TMEM94: variants seen among roughly 807,000 people sequenced by gnomAD.
The protein encoded by TMEM94 is transmembrane protein 94, also known as ER Mg2+ ATPase.
In TMEM94, 81 loss-of-function variants were observed where a neutral mutation model predicts 158.6. That is an observed-to-expected ratio of 0.51 (90% confidence interval 0.43 to 0.61). The LOEUF (loss-of-function observed/expected upper bound fraction) is 0.61. Among genes scored for constraint, TMEM94 ranks in the 20% least tolerant of loss-of-function variants. The probability of loss-of-function intolerance (pLI) is 0.00; values close to 1 mark genes in which losing one functional copy is unlikely to be tolerated. For synonymous variants in TMEM94, 751 were observed against 730.7 expected (o/e 1.03, Z -0.45); for missense variants, 1,435 against 1,762.0 (o/e 0.81, Z 3.32).
At chr17:75,476,459 C>T in intron 2 of TMEM94, 1 of 1,372,328 alleles carries the variant, frequency 7.3e-7, no homozygotes, top group East Asian at 2.7e-5. Flanking sequence ...GCTGCCTCCT[C>T]CTCCCTCCCT....
chr17:75,470,635 G>T (rs925457098), intron 1 of TMEM94, among the ~76,000 whole-genome samples: 9 of 152,014 alleles, frequency 5.9e-5, no homozygotes, highest in Non-Finnish European at 1.3e-4. Flanking sequence ...AACCCGGGAG[G>T]TGGAGCTTGC....
chr17:75,498,007 C>A lies in TMEM94; in HGVS notation c.3489+145C>A. 2 of 1,172,484 alleles carry A rather than the reference C, an allele frequency of 1.7e-6. No homozygotes were observed. The highest frequency in any genetic ancestry group is 2.4e-6 in the Non-Finnish European group (2 of 819,670). The allele number at this position is 1,172,484 out of a possible 1,614,324, so 72.6% of individuals were successfully genotyped here. A position where few individuals can be genotyped will look rare whatever the true frequency, so the allele number is the denominator to read the frequency against. On this transcript the variant is annotated intron_variant, in intron 27 of 31. Coordinates refer to ENST00000314256, the MANE Select transcript of TMEM94 (RefSeq NM_014738.6). The surrounding 1 kb of genome is among the most constrained non-coding windows in gnomAD (Gnocchi z 6.7). ...CTTGGTTCCTAGTCTTCCCCCAGATCAAAGAGGAGGTAGTGGCACAGAGCT... is the reference window on the plus strand; with the variant it reads ...CTTGGTTCCTAGTCTTCCCCCAGATAAAAGAGGAGGTAGTGGCACAGAGCT...
intron 1 of TMEM94, among the ~76,000 whole-genome samples, chr17:75,464,683 C>T (rs1567907069): frequency 1.5e-5 from 1 of 68,416 alleles, no homozygotes; most frequent in African/African-American, 3.6e-5. Flanking sequence ...TTCCTTCTTT[C>T]TTTCTTTCTT....
chr17:75,493,578 T>C lies in TMEM94; in HGVS notation c.2174T>C (p.Leu725Pro). ...TGGGACGGAGCTGACATCTACCCTCTCTCGGGATCTGACAGGTGGGTGAGG... is the reference window on the plus strand; with the variant it reads ...TGGGACGGAGCTGACATCTACCCTCCCTCGGGATCTGACAGGTGGGTGAGG... ...DFWDGADIYPLSGSDRKKVLD... is the reference protein window; with the variant it reads ...DFWDGADIYPPSGSDRKKVLD... Residue 725 changes from leucine to proline, a missense_variant, in exon 17 of 32, where the codon CTC (leucine) becomes CCC (proline). Physicochemically the swap from Leu to Pro is moderately conservative, Grantham distance 98. Around this residue, in one of 3 missense-constraint regions of TMEM94, gnomAD observed 1,051 missense variants for 1,254.4 expected, o/e 0.84. Coordinates refer to ENST00000314256, the MANE Select transcript of TMEM94 (RefSeq NM_014738.6). 3 of 1,613,902 alleles carry C rather than the reference T, an allele frequency of 1.9e-6. No homozygotes were observed. Among genetic ancestry groups the C allele is most frequent in the Non-Finnish European group, 2.5e-6 (3 of 1,179,982 alleles).
rs1246104541 is a variant in TMEM94, at chr17:75,499,531, C to A, written c.*197C>A. The stretch of plus-strand genomic sequence containing the variant: ...ACTGTGGAGGAGCTGACGGCCTGGG[C>A]CCTTGGCCAGTCCTGGCTCTTCCCT... On this transcript the variant is annotated 3_prime_UTR_variant, in exon 32 of 32. Transcript: ENST00000314256. 1 of 608,596 alleles carries A rather than the reference C, an allele frequency of 1.6e-6. No homozygotes were observed. Among genetic ancestry groups the A allele is most frequent in the African/African-American group, 1.9e-5 (1 of 53,906 alleles). 37.7% of individuals were successfully genotyped at this position (608,596 alleles called of 1,614,324 possible).
At chr17:75,496,145 T>C in intron 23 of TMEM94, 71 bp downstream of exon 23, 3 of 1,510,434 alleles carry the variant, frequency 2.0e-6, no homozygotes, top group Non-Finnish European at 2.7e-6. Flanking sequence ...TGGGCCTGCG[T>C]GGGGCTGGGG....
At chr17:75,468,314 G>A (rs890605775) in intron 1 of TMEM94, among the ~76,000 whole-genome samples, 3 of 152,240 alleles carry the variant, frequency 2.0e-5, no homozygotes, top group African/African-American at 2.4e-5. Context: ...TGCCCTCTCT[G>A]TACTGCTGTG....
intron 1 of TMEM94, among the ~76,000 whole-genome samples, chr17:75,463,160 ATGTG>A (rs66559909): frequency 2.8e-4 from 5 of 18,074 alleles, no homozygotes; most frequent in African/African-American, 1.9e-3. Flanking sequence ...ACGTATATAT[ATGTG>A]TGTGTGTGTG....
chr17:75,485,799 G>A lies in TMEM94; in HGVS notation c.145-72G>A. On this transcript the variant is annotated intron_variant, in intron 3 of 31. Transcript: ENST00000314256. The surrounding 1 kb of genome is among the most constrained non-coding windows in gnomAD (Gnocchi z 5.5). The stretch of plus-strand genomic sequence containing the variant: ...CAAGGCGGCCATGGGGGCTGGGAAG[G>A]GTGCCGGGGGAGGCAGCCAGATTGG... 1 of 1,514,358 alleles carries A rather than the reference G, an allele frequency of 6.6e-7. No homozygotes were observed. Among genetic ancestry groups the A allele is most frequent in the African/African-American group, 1.4e-5 (1 of 72,876 alleles). 93.8% of individuals were successfully genotyped at this position (1,514,358 alleles called of 1,614,324 possible). A position where few individuals can be genotyped will look rare whatever the true frequency, so the allele number is the denominator to read the frequency against.
In TMEM94 at chr17:75,498,087, A is replaced by G; in HGVS notation, c.3490-88A>G. On this transcript the variant is annotated intron_variant, in intron 27 of 31. Coordinates refer to ENST00000314256, the MANE Select transcript of TMEM94 (RefSeq NM_014738.6). This position sits in a 1 kb window ranked among gnomAD's most constrained non-coding sequence, Gnocchi z 6.7. ...CCTATCCCCCCAGGCCTGACCATTT[A>G]CTAAGAGCCCGTTGAATACGTGGAA... 1 of 1,554,378 alleles carries G rather than the reference A, an allele frequency of 6.4e-7. No homozygotes were observed. The highest frequency in any genetic ancestry group is 8.8e-7 in the Non-Finnish European group (1 of 1,139,546).
chr17:75,470,775 C>T (rs984473807), intron 1 of TMEM94, among the ~76,000 whole-genome samples: 11 of 149,526 alleles, frequency 7.4e-5, no homozygotes, highest in South Asian at 2.1e-4. Flanking sequence ...AAAAATTAGC[C>T]GGGGATGCTG....
Position 75,494,758 on chromosome 17 carries a change from G to A in TMEM94, c.2539G>A (p.Ala847Thr). Residue 847 changes from alanine (A) to threonine (T), a missense_variant, in exon 19 of 32, where the codon GCC becomes ACC. Coordinates refer to ENST00000314256, the MANE Select transcript of TMEM94 (RefSeq NM_014738.6). ...GCGCCTCATTGATGGGCTTGTCAAC[G>A]CCTGCATCCGCTTTGTCTACTTCTC... ...IVRLIDGLVNACIRFVYFSLE... is the reference protein window; with the variant it reads ...IVRLIDGLVNTCIRFVYFSLE... 6.2e-7 allele frequency: 1 copy of A among 1,613,660 alleles called. No individual in the cohort carries two copies. Among genetic ancestry groups the A allele is most frequent in the Non-Finnish European group, 8.5e-7 (1 of 1,180,030 alleles).
intron 11 of TMEM94, 89 bp downstream of exon 11, chr17:75,490,847 C>G (rs1346459530): frequency 2.3e-6 from 3 of 1,294,870 alleles, no homozygotes; most frequent in Non-Finnish European, 3.3e-6. Context: ...AAGCCTCCAA[C>G]CAGGCTCTTA....
intron 18 of TMEM94, 57 bp downstream of exon 18, chr17:75,493,973 G>A: frequency 6.5e-7 from 1 of 1,546,252 alleles, no homozygotes; most frequent in Non-Finnish European, 8.8e-7. Flanking sequence ...GGCTGCCGAA[G>A]CCCAGGAGCA....
Position 75,462,001 on chromosome 17 carries a change from G to GTTTTTTTT in TMEM94, c.-107+5254_-107+5255insTTTTTTTT, listed in dbSNP as rs1230233393. 4.1e-3 allele frequency among the ~76,000 whole-genome samples: 349 copies of GTTTTTTTT among 85,660 alleles called. 45 individuals carry two copies. Among genetic ancestry groups the GTTTTTTTT allele is most frequent in the Middle Eastern group, 0.012 (1 of 86 alleles). 56.2% of individuals were successfully genotyped at this position (85,660 alleles called of 152,430 possible). A position where few individuals can be genotyped will look rare whatever the true frequency, so the allele number is the denominator to read the frequency against. On this transcript the variant is annotated intron_variant, in intron 1 of 31. Coordinates refer to ENST00000314256, the MANE Select transcript of TMEM94 (RefSeq NM_014738.6). ...TAAATTTTACAGTTTTTTTTGTTTT[G>GTTTTTTTT]TTTTGTTTTGTTTTTTTTTTTTTTG...
chr17:75,495,202 CA>C lies in TMEM94; in HGVS notation c.2729-81del. On this transcript the variant is annotated intron_variant, in intron 20 of 31. Transcript: ENST00000314256. This position sits in a 1 kb window ranked among gnomAD's most constrained non-coding sequence, Gnocchi z 5.6. ...AGTAGTCAGCAGGAAGGAGTGGACA[CA>C]GGCAAAAAATTCTCTGCAGGGCAAG... 1 of 1,409,568 alleles carries C rather than the reference CA, an allele frequency of 7.1e-7. No individual in the cohort carries two copies. The highest frequency in any genetic ancestry group is 9.7e-7 in the Non-Finnish European group (1 of 1,033,418). The allele number at this position is 1,409,568 out of a possible 1,614,324, so 87.3% of individuals were successfully genotyped here.
At chr17:75,496,144 G>T (rs886607715) in intron 23 of TMEM94, 70 bp downstream of exon 23, 2 of 1,511,448 alleles carry the variant, frequency 1.3e-6, no homozygotes, top group East Asian at 4.7e-5. Flanking sequence ...ATGGGCCTGC[G>T]TGGGGCTGGG....
intron 1 of TMEM94, among the ~76,000 whole-genome samples, chr17:75,465,633 TG>T (rs1356984280): frequency 1.0e-4 from 8 of 79,862 alleles, no homozygotes; most frequent in Non-Finnish European, 1.7e-4. Flanking sequence ...TTGTTGGTCT[TG>T]TTACTGAGCT....
rs552444073 is a variant in TMEM94, at chr17:75,470,868, A to G, written c.-106-932A>G. On this transcript the variant is annotated intron_variant, in intron 1 of 31. Transcript: ENST00000314256. Reference sequence around the variant, plus strand: ...CAGGAAGTGGAGGTTGCAGTAAGCAAAGGTTGCGCCACTGCACTCCAGCCT... The same window carrying G: ...CAGGAAGTGGAGGTTGCAGTAAGCAGAGGTTGCGCCACTGCACTCCAGCCT... Among the ~76,000 whole-genome samples, 287 of 146,930 alleles carry G rather than the reference A, an allele frequency of 2.0e-3. 2 individuals carry two copies. Among genetic ancestry groups the G allele is most frequent in the African/African-American group, 7.0e-3 (276 of 39,670 alleles).
Sources: allele counts gnomAD v4.1 joint callset (sites outside exome capture counted in the v4.1 genomes callset), GRCh38; gene constraint gnomAD v4.1.1; regional missense constraint gnomAD v4.1.1; non-coding constraint Gnocchi (gnomAD v3.1); transcripts MANE v1.5; gene names NCBI Gene and HGNC (gene_info 2026-07-23, HGNC 2026-07-21).